The following CCSER1 variants were observed in gnomAD, a reference collection of about 807,000 sequenced individuals.
The protein encoded by CCSER1 is coiled-coil serine rich protein 1, also known as serine-rich coiled-coil domain-containing protein 1.
A neutral mutation model predicts 82.0 loss-of-function variants in CCSER1; 41 were observed. The observed-to-expected ratio is 0.50, with a 90% CI of 0.39 to 0.65. The LOEUF is 0.65. CCSER1 is among the 30% of genes least tolerant of loss of function. The pLI is 0.00. For synonymous variants in CCSER1, 414 were observed against 383.9 expected (o/e 1.08, Z -0.92); for missense variants, 1,119 against 1,064.2 (o/e 1.05, Z -0.72).
At chr4:91,194,701 C>T (rs73836870) in intron 10 of CCSER1, among the ~76,000 whole-genome samples, 16,926 of 151,990 alleles carry the variant, frequency 0.11, 1,091 homozygotes, top group East Asian at 0.23. Flanking sequence ...CACAAATGCA[C>T]GCAGAAAGAG....
chr4:91,550,591 C>A (rs1462175219), intron 10 of CCSER1, among the ~76,000 whole-genome samples: 1 of 152,126 alleles, frequency 6.6e-6, no homozygotes, highest in African/African-American at 2.4e-5. Flanking sequence ...ATTTCTGGTT[C>A]AGAAAACAGA....
At chr4:91,311,652 A>T (rs1301552049) in intron 10 of CCSER1, among the ~76,000 whole-genome samples, 8 of 151,956 alleles carry the variant, frequency 5.3e-5, no homozygotes, top group African/African-American at 1.7e-4. Flanking sequence ...TTTTAAAAAT[A>T]TAATCTATAA....
chr4:91,224,769 T>G (rs1375561487), intron 10 of CCSER1, among the ~76,000 whole-genome samples: 3 of 152,020 alleles, frequency 2.0e-5, no homozygotes, highest in East Asian at 1.9e-4. Context: ...TGAGAATATT[T>G]CCTTTCCAAA....
At chr4:91,507,378 T>C (rs192515088) in intron 10 of CCSER1, among the ~76,000 whole-genome samples, 3 of 152,294 alleles carry the variant, frequency 2.0e-5, no homozygotes, top group Admixed American at 6.5e-5. Context: ...CTTCAATTCA[T>C]GATGTTGGAC....
rs577320025 is a variant in CCSER1 at position 90,954,130 on chromosome 4, G to T, written c.2172+30683G>T. On this transcript the variant is annotated intron_variant, in intron 9 of 10. Coordinates refer to ENST00000509176, the MANE Select transcript of CCSER1 (RefSeq NM_001145065.2). Reference sequence around the variant, plus strand: ...TTCTCTTTAAAGAAATAATTTATAGGCTGCATTGGAAAGCAAATACATTCT... The same window carrying T: ...TTCTCTTTAAAGAAATAATTTATAGTCTGCATTGGAAAGCAAATACATTCT... Among the ~76,000 whole-genome samples the T allele has an allele frequency of 3.9e-5, 6 of 151,968 alleles. No homozygotes were observed. In the South Asian group the frequency reaches 1.2e-3, roughly 32 times the overall value.
At chr4:90,567,040 A>AC (rs1779487651) in intron 5 of CCSER1, among the ~76,000 whole-genome samples, 2 of 149,206 alleles carry the variant, frequency 1.3e-5, no homozygotes, top group Non-Finnish European at 3.0e-5. Flanking sequence ...ACAAAAACAA[A>AC]AAAACCTCTT....
chr4:91,066,598 T>A (rs1720840380), intron 9 of CCSER1, among the ~76,000 whole-genome samples: 1 of 152,196 alleles, frequency 6.6e-6, no homozygotes, highest in African/African-American at 2.4e-5. Context: ...AATAGATAAT[T>A]ATTCTTCTGC....
chr4:91,551,991 T>G (rs920681575), intron 10 of CCSER1, among the ~76,000 whole-genome samples: 2 of 151,740 alleles, frequency 1.3e-5, no homozygotes, highest in Non-Finnish European at 2.9e-5. Context: ...CAAATTTCAA[T>G]GTAGTAGGAA....
At chr4:90,735,403 A>C (rs1004497146) in intron 7 of CCSER1, among the ~76,000 whole-genome samples, 12 of 152,086 alleles carry the variant, frequency 7.9e-5, no homozygotes, top group African/African-American at 2.7e-4. Context: ...GATTGATACT[A>C]GTTCTTCAAA....
chr4:91,298,339 A>C (rs1019853321), intron 10 of CCSER1, among the ~76,000 whole-genome samples: 5 of 152,034 alleles, frequency 3.3e-5, no homozygotes, highest in African/African-American at 1.2e-4. Context: ...AACCACTGTG[A>C]ACATCACAGC....
intron 10 of CCSER1, among the ~76,000 whole-genome samples, chr4:91,352,990 A>G (rs907458477): frequency 2.6e-5 from 4 of 152,226 alleles, no homozygotes; most frequent in Non-Finnish European, 2.9e-5. Context: ...AGAAAGCTGC[A>G]TCAGATAGGG....
At chr4:91,268,655 A>T (rs1295756951) in intron 10 of CCSER1, among the ~76,000 whole-genome samples, 1 of 152,170 alleles carries the variant, frequency 6.6e-6, no homozygotes, top group African/African-American at 2.4e-5. Context: ...ACAGTCAGCA[A>T]AGGGAGATAG....
At position 90,272,613 on chromosome 4, in the gene CCSER1, T is replaced by C. The variant is rs552986474; in HGVS notation, c.-41-35631T>C. Reference sequence around the variant, plus strand: ...TTAAAGAGATATGGACACTCCTATGTTTATTGCAGCACTCTTCATGATAGC... The same window carrying C: ...TTAAAGAGATATGGACACTCCTATGCTTATTGCAGCACTCTTCATGATAGC... On this transcript the variant is annotated intron_variant, in intron 1 of 10. Coordinates refer to ENST00000509176, the MANE Select transcript of CCSER1 (RefSeq NM_001145065.2). Among the ~76,000 whole-genome samples, 3 of 152,296 alleles carry C rather than the reference T, an allele frequency of 2.0e-5. No homozygotes were observed. In the East Asian group the frequency reaches 5.8e-4, roughly 29 times the overall value.
At chr4:90,388,127 T>C (rs1417879125) in intron 3 of CCSER1, among the ~76,000 whole-genome samples, 1 of 152,150 alleles carries the variant, frequency 6.6e-6, no homozygotes, top group Non-Finnish European at 1.5e-5. Flanking sequence ...AATATTTCAT[T>C]TTATGGAAAA....
intron 9 of CCSER1, among the ~76,000 whole-genome samples, chr4:90,968,654 A>G (rs1258800282): frequency 1.3e-5 from 2 of 152,112 alleles, no homozygotes; most frequent in African/African-American, 2.4e-5. Flanking sequence ...GGGAGACCCC[A>G]AGAATCCATA....
chr4:90,743,541 G>T (rs1322360001), intron 7 of CCSER1, among the ~76,000 whole-genome samples: 1 of 152,054 alleles, frequency 6.6e-6, no homozygotes, highest in Non-Finnish European at 1.5e-5. Flanking sequence ...ATTCTTGTAG[G>T]CTAAACTTAT....
At chr4:90,746,540 C>T (rs1341523618) in intron 7 of CCSER1, among the ~76,000 whole-genome samples, 5 of 152,074 alleles carry the variant, frequency 3.3e-5, no homozygotes, top group African/African-American at 1.2e-4. Flanking sequence ...ATCCTAGGTC[C>T]GAATTCATTT....
chr4:90,904,641 ATG>A (rs1725176359), intron 8 of CCSER1, among the ~76,000 whole-genome samples: 1 of 152,056 alleles, frequency 6.6e-6, no homozygotes, highest in Admixed American at 6.6e-5. Context: ...CCGGGAAAGT[ATG>A]TATGTGTGAC....
chr4:91,252,343 T>C (rs1015614528), intron 10 of CCSER1, among the ~76,000 whole-genome samples: 4 of 152,148 alleles, frequency 2.6e-5, no homozygotes, highest in African/African-American at 7.2e-5. Context: ...AGTGAAGTCC[T>C]GCATAGTAAA....
Sources: allele counts gnomAD v4.1 joint callset (sites outside exome capture counted in the v4.1 genomes callset), GRCh38; gene constraint gnomAD v4.1.1; transcripts MANE v1.5; gene names NCBI Gene and HGNC (gene_info 2026-07-23, HGNC 2026-07-21).